Variants in CCSER2 observed in about 807,000 individuals in gnomAD.
The protein encoded by CCSER2 is serine-rich coiled-coil domain-containing protein 2.
Under a neutral mutation model 92.3 loss-of-function variants are expected in CCSER2, and 46 were observed. The ratio of observed to expected loss-of-function variants is 0.50; its 90% confidence interval spans 0.39 to 0.64. The LOEUF is 0.64. CCSER2 is among the 30% of genes least tolerant of loss of function. CCSER2 has a pLI of 0.00. For missense variants in CCSER2, 1,244 were observed against 1,238.9 expected, an observed-to-expected ratio of 1.00 and a Z score of -0.06; for synonymous variants, 433 against 431.4, an observed-to-expected ratio of 1.00 and a Z score of -0.04.
At chr10:84,414,499 G>A (rs541234019) in intron 3 of CCSER2, among the ~76,000 whole-genome samples, 7 of 152,072 alleles carry the variant, frequency 4.6e-5, no homozygotes, top group Non-Finnish European at 8.8e-5. Flanking sequence ...GGCTTGTAGG[G>A]TTTCCACTGA....
chr10:84,498,612 A>G (rs1848571471), intron 9 of CCSER2, among the ~76,000 whole-genome samples: 1 of 152,210 alleles, frequency 6.6e-6, no homozygotes, highest in African/African-American at 2.4e-5. Context: ...CCTTCATAAG[A>G]TCTGTAAACA....
chr10:84,504,202 G>A (rs1848921000), intron 9 of CCSER2, among the ~76,000 whole-genome samples: 1 of 151,912 alleles, frequency 6.6e-6, no homozygotes, highest in African/African-American at 2.4e-5. Flanking sequence ...ATAAATATGA[G>A]CATTTAGGTT....
At position 84,417,749 on chromosome 10, in the gene CCSER2, T is replaced by G; in HGVS notation, c.1615-22T>G. 3 of 1,244,418 alleles carry G rather than the reference T, an allele frequency of 2.4e-6. No individual in the cohort carries two copies. The South Asian group carries it at 3.6e-5, about 15-fold the overall frequency. 77.1% of individuals were successfully genotyped at this position (1,244,418 alleles called of 1,614,324 possible). A position where few individuals can be genotyped will look rare whatever the true frequency, so the allele number is the denominator to read the frequency against. On this transcript the variant is annotated intron_variant, in intron 3 of 9. Transcript: ENST00000372088. ...TCCTTAGAGCTAGATTATGGTATAT[T>G]TTTTACTGCTTTTGTTCACAGGATA...
chr10:84,502,870 T>G (rs1430699299), intron 9 of CCSER2, among the ~76,000 whole-genome samples: 1 of 152,138 alleles, frequency 6.6e-6, no homozygotes, highest in Admixed American at 6.5e-5. Flanking sequence ...ACAGGGAGTA[T>G]TTAGCCCTCG....
At chr10:84,487,945 A>G (rs1290652834) in intron 9 of CCSER2, among the ~76,000 whole-genome samples, 1 of 152,206 alleles carries the variant, frequency 6.6e-6, no homozygotes, top group East Asian at 1.9e-4. Context: ...AGTTTTTAGC[A>G]TGAAGCGCTG....
intron 1 of CCSER2, among the ~76,000 whole-genome samples, chr10:84,337,817 AAGC>A (rs1843923620): frequency 1.3e-5 from 2 of 152,172 alleles, no homozygotes; most frequent in African/African-American, 2.4e-5. Flanking sequence ...TAAATGGAAA[AAGC>A]AGGCTGGAGG....
At chr10:84,373,377 C>G (rs1045142696) in intron 2 of CCSER2, among the ~76,000 whole-genome samples, 1 of 152,062 alleles carries the variant, frequency 6.6e-6, no homozygotes, top group African/African-American at 2.4e-5. Flanking sequence ...GGAAATATTA[C>G]AGAAGTGAAA....
At chr10:84,463,065 G>T (rs1189520196) in intron 6 of CCSER2, among the ~76,000 whole-genome samples, 1 of 152,138 alleles carries the variant, frequency 6.6e-6, no homozygotes, top group South Asian at 2.1e-4. Flanking sequence ...TTCTTCACTG[G>T]TTCATTTTTC....
chr10:84,456,173 A>G (rs1350575572), intron 6 of CCSER2: 2 of 255,910 alleles, frequency 7.8e-6, no homozygotes, highest in African/African-American at 4.6e-5. Flanking sequence ...TTCAGTGTAC[A>G]GTTTTATGAG....
At chr10:84,494,082 G>T (rs1848313943) in intron 9 of CCSER2, among the ~76,000 whole-genome samples, 1 of 152,210 alleles carries the variant, frequency 6.6e-6, no homozygotes, top group South Asian at 2.1e-4. Context: ...AATGCAAGCA[G>T]TGGGCAGTAG....
chr10:84,351,253 T>C (rs956261143), intron 1 of CCSER2, among the ~76,000 whole-genome samples: 9 of 152,134 alleles, frequency 5.9e-5, no homozygotes, highest in Admixed American at 1.3e-4. Context: ...GTTTTTTTTT[T>C]CCTTTGAGAC....
At chr10:84,485,043 G>C (rs751364642) in intron 9 of CCSER2, among the ~76,000 whole-genome samples, 1 of 152,112 alleles carries the variant, frequency 6.6e-6, no homozygotes, top group Admixed American at 6.6e-5. Flanking sequence ...TTGAAACTTT[G>C]TTTAAAGTAT....
At chr10:84,362,330 A>G (rs962241568) in intron 1 of CCSER2, among the ~76,000 whole-genome samples, 7 of 152,180 alleles carry the variant, frequency 4.6e-5, no homozygotes, top group Non-Finnish European at 5.9e-5. Context: ...AAAAGGCAGT[A>G]TATGGGTCAA....
chr10:84,464,685 A>G (rs940868099), intron 7 of CCSER2, among the ~76,000 whole-genome samples: 1 of 152,194 alleles, frequency 6.6e-6, no homozygotes, highest in Non-Finnish European at 1.5e-5. Flanking sequence ...TTTCACTTAC[A>G]TATTGGCTGT....
At chr10:84,406,274 G>C (rs753017763) in intron 3 of CCSER2, among the ~76,000 whole-genome samples, 3 of 152,200 alleles carry the variant, frequency 2.0e-5, no homozygotes, top group Non-Finnish European at 4.4e-5. Flanking sequence ...GGAGGAGGGT[G>C]TAACTATAAC....
chr10:84,431,556 A>C (rs1843763793), intron 5 of CCSER2, among the ~76,000 whole-genome samples: 1 of 152,096 alleles, frequency 6.6e-6, no homozygotes, highest in African/African-American at 2.4e-5. Context: ...GCCTGGGCAC[A>C]TATTGAGTCC....
At chr10:84,391,036 G>T (rs928297785) in intron 3 of CCSER2, 1 of 776,566 alleles carries the variant, frequency 1.3e-6, no homozygotes. Flanking sequence ...AACATTAGCA[G>T]ATTCAGTAGG....
At chr10:84,332,436 A>ATATATATATATTTTTTT (rs1401635246) in intron 1 of CCSER2, among the ~76,000 whole-genome samples, 2 of 55,212 alleles carry the variant, frequency 3.6e-5, no homozygotes, top group African/African-American at 1.1e-4. Context: ...ATATATATAT[A>ATATATATATATTTTTTT]TTTTTTTTTT....
chr10:84,376,140 T>C (rs1170643025), intron 3 of CCSER2, among the ~76,000 whole-genome samples: 1 of 152,172 alleles, frequency 6.6e-6, no homozygotes, highest in Non-Finnish European at 1.5e-5. Flanking sequence ...CCTAATCATG[T>C]CAAGGATCCC....
Sources: gnomAD v4.1 joint callset for allele counts (sites outside exome capture counted in the v4.1 genomes callset) on GRCh38, gnomAD v4.1.1 for gene constraint, MANE v1.5 for transcripts, NCBI Gene and HGNC (gene_info 2026-07-23, HGNC 2026-07-21) for gene names.